MACROD2: variants seen among roughly 807,000 people sequenced by gnomAD.
MACROD2 encodes the protein mono-ADP ribosylhydrolase 2.
A neutral mutation model predicts 70.4 loss-of-function variants in MACROD2; 36 were observed. That is an observed-to-expected ratio of 0.51 (90% CI 0.39 to 0.68). The LOEUF is 0.68. Among genes scored for constraint, MACROD2 ranks in the 30% least tolerant of loss-of-function variants. The pLI, the probability that MACROD2 is intolerant of heterozygous loss-of-function variation, is 0.00. For synonymous variants in MACROD2, 172 were observed against 178.8 expected (o/e 0.96, Z 0.30); for missense variants, 496 against 538.4 (o/e 0.92, Z 0.78).
chr20:14,121,746 C>T (rs917791356), intron 3 of MACROD2, among the ~76,000 whole-genome samples: 2 of 152,082 alleles, frequency 1.3e-5, no homozygotes, highest in Non-Finnish European at 2.9e-5. Context: ...TTTCTAGTAA[C>T]TTCTGACTGC....
intron 4 of MACROD2, among the ~76,000 whole-genome samples, chr20:14,576,576 T>G (rs1160988301): frequency 6.6e-6 from 1 of 152,126 alleles, no homozygotes; most frequent in Non-Finnish European, 1.5e-5. Context: ...AGGTCCCAAG[T>G]CAAGAATAAG....
intron 5 of MACROD2, among the ~76,000 whole-genome samples, chr20:14,992,362 G>T (rs1171924873): frequency 6.6e-6 from 1 of 152,170 alleles, no homozygotes; most frequent in Non-Finnish European, 1.5e-5. Flanking sequence ...TAGTTAAAAT[G>T]CATGTTGTTC....
chr20:14,686,940 C>T (rs957982711), intron 5 of MACROD2, among the ~76,000 whole-genome samples: 1 of 152,108 alleles, frequency 6.6e-6, no homozygotes, highest in Non-Finnish European at 1.5e-5. Context: ...TCAAACAAAC[C>T]CTTTGTGTAG....
intron 7 of MACROD2, among the ~76,000 whole-genome samples, chr20:15,474,581 T>G (rs901065543): frequency 2.0e-5 from 3 of 152,178 alleles, no homozygotes; most frequent in Admixed American, 6.5e-5. Context: ...AAGTACAGAT[T>G]AAAAATGAGC....
At chr20:14,366,361 T>C (rs2083272272) in intron 3 of MACROD2, among the ~76,000 whole-genome samples, 1 of 138,010 alleles carries the variant, frequency 7.2e-6, no homozygotes, top group South Asian at 2.2e-4. Flanking sequence ...GTCCTTTTTG[T>C]AACTTGTAAC....
intron 5 of MACROD2, among the ~76,000 whole-genome samples, chr20:15,183,045 T>TC (rs1486058318): frequency 2.6e-5 from 4 of 152,180 alleles, no homozygotes; most frequent in African/African-American, 9.7e-5. Context: ...CATTCTCATT[T>TC]CCACCACCAT....
chr20:15,830,480 T>C (rs142457809), intron 8 of MACROD2, among the ~76,000 whole-genome samples: 359 of 152,230 alleles, frequency 2.4e-3, no homozygotes, highest in Non-Finnish European at 3.0e-3. Context: ...CCCTGAGGAG[T>C]TGGAATGCAC....
intron 8 of MACROD2, among the ~76,000 whole-genome samples, chr20:15,783,782 A>G (rs2051875386): frequency 6.6e-6 from 1 of 152,194 alleles, no homozygotes; most frequent in Non-Finnish European, 1.5e-5. Context: ...CCCCGTAGCC[A>G]GACCTCCATC....
intron 3 of MACROD2, among the ~76,000 whole-genome samples, chr20:14,146,236 G>C (rs189756566): frequency 0.014 from 2,115 of 152,178 alleles, 25 homozygotes; most frequent in Non-Finnish European, 0.022. Context: ...GGAGAATGGC[G>C]TGAACCTGGG....
At chr20:14,640,346 G>A (rs1336600752) in intron 4 of MACROD2, among the ~76,000 whole-genome samples, 3 of 152,112 alleles carry the variant, frequency 2.0e-5, no homozygotes, top group Admixed American at 1.3e-4. Context: ...AAACTACTTT[G>A]CTTTTTTCCC....
intron 3 of MACROD2, among the ~76,000 whole-genome samples, chr20:14,405,255 A>G (rs1309402189): frequency 1.3e-5 from 2 of 149,800 alleles, no homozygotes; most frequent in Admixed American, 6.8e-5. Flanking sequence ...CAACTTGACA[A>G]TACTACAGAG....
chr20:15,492,840 G>A (rs1419065217), intron 7 of MACROD2, among the ~76,000 whole-genome samples: 2 of 152,164 alleles, frequency 1.3e-5, no homozygotes, highest in Non-Finnish European at 2.9e-5. Context: ...CAGAGTTCAA[G>A]GGAGTTTGAT....
chr20:15,532,707 T>C (rs1036996188), intron 8 of MACROD2, among the ~76,000 whole-genome samples: 5 of 150,924 alleles, frequency 3.3e-5, no homozygotes, highest in Non-Finnish European at 5.9e-5. Flanking sequence ...CACTACCTCA[T>C]ATTAAATGTA....
At chr20:15,735,156 T>C (rs2051001777) in intron 8 of MACROD2, among the ~76,000 whole-genome samples, 1 of 152,148 alleles carries the variant, frequency 6.6e-6, no homozygotes, top group African/African-American at 2.4e-5. Flanking sequence ...AGACAGGGTT[T>C]CACCATATTG....
chr20:15,107,831 C>G (rs903584352), intron 5 of MACROD2, among the ~76,000 whole-genome samples: 10 of 151,976 alleles, frequency 6.6e-5, no homozygotes, highest in African/African-American at 2.4e-4. Context: ...TTTGGAATAG[C>G]AAGAGAGCTA....
chr20:14,146,211 A>C (rs1467996787), intron 3 of MACROD2, among the ~76,000 whole-genome samples: 1 of 152,198 alleles, frequency 6.6e-6, no homozygotes, highest in South Asian at 2.1e-4. Context: ...CCAGCTACTC[A>C]GAGAGGCTGA....
intron 5 of MACROD2, among the ~76,000 whole-genome samples, chr20:14,981,785 G>T (rs1469446435): frequency 6.6e-6 from 1 of 152,018 alleles, no homozygotes; most frequent in Non-Finnish European, 1.5e-5. Context: ...TTTGTAAATT[G>T]CCCAATCTCG....
chr20:15,128,329 G>A (rs1601110703), intron 5 of MACROD2, among the ~76,000 whole-genome samples: 1 of 152,068 alleles, frequency 6.6e-6, no homozygotes, highest in East Asian at 1.9e-4. Context: ...AGTAGAAAAT[G>A]TGTCCCTTCC....
At chr20:15,141,939 C>T (rs1483950782) in intron 5 of MACROD2, among the ~76,000 whole-genome samples, 1 of 152,166 alleles carries the variant, frequency 6.6e-6, no homozygotes, top group Non-Finnish European at 1.5e-5. Context: ...GATGCTTCTC[C>T]ATGGTCTTCT....
Sources: gnomAD v4.1 joint callset for allele counts (sites outside exome capture counted in the v4.1 genomes callset) on GRCh38, gnomAD v4.1.1 for gene constraint, MANE v1.5 for transcripts, NCBI Gene and HGNC (gene_info 2026-07-23, HGNC 2026-07-21) for gene names.